The following TAF4 variants were observed in gnomAD, a reference collection of about 807,000 sequenced individuals.
TAF4 encodes the protein TATA-box binding protein associated factor 4.
In TAF4, 9 loss-of-function variants were observed where a neutral mutation model predicts 90.3. The observed-to-expected ratio is 0.10, with a 90% CI of 0.06 to 0.17. The LOEUF (loss-of-function observed/expected upper bound fraction) is 0.17, where lower values mean the gene tolerates loss of function less well. Among genes scored for constraint, TAF4 ranks in the 10% least tolerant of loss-of-function variants. The pLI is 1.00. For missense variants in TAF4, 1,351 were observed against 1,370.7 expected (o/e 0.99, Z 0.23); for synonymous variants, 818 against 638.9 (o/e 1.28, Z -4.23).
chr20:61,976,448 C>A (rs1269549624), intron 14 of TAF4, 113 bp from the exon 15 acceptor site: 8 of 1,274,108 alleles, frequency 6.3e-6, no homozygotes, highest in Non-Finnish European at 7.7e-6. Context: ...AGGCCTGGCA[C>A]GGGCTCCTTC....
intron 14 of TAF4, among the ~76,000 whole-genome samples, chr20:61,982,035 ACACCC>A (rs2055546162): frequency 7.2e-6 from 1 of 138,424 alleles, no homozygotes; most frequent in Non-Finnish European, 1.5e-5. Context: ...CATCAAACCC[ACACCC>A]CACCCAAGAG....
chr20:62,018,024 T>C (rs1356695279), intron 1 of TAF4, among the ~76,000 whole-genome samples: 4 of 152,108 alleles, frequency 2.6e-5, no homozygotes, highest in Admixed American at 1.3e-4. Context: ...CAGTGTCCCT[T>C]GTGGTCAGGA....
chr20:61,992,414 C>T (rs2055637224), intron 14 of TAF4, among the ~76,000 whole-genome samples: 1 of 152,098 alleles, frequency 6.6e-6, no homozygotes, highest in South Asian at 2.1e-4. Context: ...ATGTCCATAA[C>T]CAGGATCCTT....
intron 14 of TAF4, among the ~76,000 whole-genome samples, chr20:61,995,305 G>A (rs980293860): frequency 2.0e-5 from 3 of 152,094 alleles, no homozygotes; most frequent in Admixed American, 1.3e-4. Context: ...AAGAATTAGG[G>A]GAAATATAAA....
intron 9 of TAF4, among the ~76,000 whole-genome samples, chr20:62,002,536 G>A (rs1285219589): frequency 2.6e-5 from 4 of 152,136 alleles, no homozygotes; most frequent in Admixed American, 2.0e-4. Context: ...TGTCACCGAC[G>A]CTGGCGTACA....
chr20:62,035,697 T>C (rs1021680543), intron 1 of TAF4, among the ~76,000 whole-genome samples: 12 of 152,204 alleles, frequency 7.9e-5, no homozygotes, highest in African/African-American at 2.6e-4. Context: ...AAGGAGACAA[T>C]AGATACATTC....
chr20:62,002,775 G>A (rs778758516), intron 9 of TAF4, among the ~76,000 whole-genome samples: 2 of 152,194 alleles, frequency 1.3e-5, no homozygotes, highest in East Asian at 1.9e-4. Context: ...CACTGTAAGC[G>A]TGAGCCACTA....
At chr20:62,017,941 GGCATTC>G (rs2055821811) in intron 1 of TAF4, among the ~76,000 whole-genome samples, 1 of 152,176 alleles carries the variant, frequency 6.6e-6, no homozygotes, top group Non-Finnish European at 1.5e-5. Flanking sequence ...AAATAAAAGT[GGCATTC>G]TGGACATCAC....
chr20:62,028,271 A>C (rs1276909524), intron 1 of TAF4, among the ~76,000 whole-genome samples: 1 of 152,168 alleles, frequency 6.6e-6, no homozygotes, highest in Non-Finnish European at 1.5e-5. Flanking sequence ...CCCCCAAAAA[A>C]ATGCTACCTC....
chr20:62,065,519 C>A lies in TAF4; in HGVS notation c.292G>T (p.Gly98Trp). Residue 98 changes from glycine (G) to tryptophan (W), a missense_variant, in exon 1 of 15, where the codon GGG becomes TGG. Transcript: ENST00000252996. ...EPPPAGRARP[G>W]GGGPQRPGPP... ...CCCGGGCGCTGCGGCCCCCCGCCCC[C>A]CGGCCGCGCTCTACCTGCGGGGGGC... 1 of 976,904 alleles carries A rather than the reference C, an allele frequency of 1.0e-6. No individual in the cohort carries two copies. The highest frequency in any genetic ancestry group is 1.2e-6 in the Non-Finnish European group (1 of 825,770). 60.5% of individuals were successfully genotyped at this position (976,904 alleles called of 1,614,324 possible).
chr20:61,998,530 C>A (rs900295757), intron 12 of TAF4, among the ~76,000 whole-genome samples: 1 of 152,142 alleles, frequency 6.6e-6, no homozygotes. Flanking sequence ...ACACCAGGGA[C>A]GGGACAGCCT....
At chr20:62,062,516 T>C (rs946167666) in intron 1 of TAF4, among the ~76,000 whole-genome samples, 2 of 152,162 alleles carry the variant, frequency 1.3e-5, no homozygotes, top group Non-Finnish European at 1.5e-5. Flanking sequence ...CTTTTTTAGA[T>C]AGTAGCATTC....
chr20:62,012,220 A>AGCGGCAGGTGGCAGCGTGGC, intron 3 of TAF4: 1 of 152,578 alleles, frequency 6.6e-6, no homozygotes, highest in South Asian at 2.1e-4. Flanking sequence ...GAGGGATGTG[A>AGCGGCAGGTGGCAGCGTGGC]GCGGCAGGTG....
At chr20:62,053,154 GA>G (rs1441727846) in intron 1 of TAF4, among the ~76,000 whole-genome samples, 1 of 152,184 alleles carries the variant, frequency 6.6e-6, no homozygotes, top group East Asian at 1.9e-4. Context: ...CAGAGCACCC[GA>G]AAGTGGAAGA....
Position 61,975,005 on chromosome 20 carries a change from T to C in TAF4, c.*1163A>G, listed in dbSNP as rs1434059702. Reference sequence around the variant, plus strand: ...GTTCTCAGGTGTTGATAAAAAATACTGATCAGCGTTCAGTTCACACGCGCT... The same window carrying C: ...GTTCTCAGGTGTTGATAAAAAATACCGATCAGCGTTCAGTTCACACGCGCT... On this transcript the variant is annotated 3_prime_UTR_variant, in exon 15 of 15. Coordinates refer to ENST00000252996, the MANE Select transcript of TAF4 (RefSeq NM_003185.4). 2 of 152,458 alleles carry C rather than the reference T, an allele frequency of 1.3e-5. No individual in the cohort carries two copies. The highest frequency in any genetic ancestry group is 1.5e-5 in the Non-Finnish European group (1 of 68,042). 9.4% of individuals were successfully genotyped at this position (152,458 alleles called of 1,614,324 possible). A position where few individuals can be genotyped will look rare whatever the true frequency, so the allele number is the denominator to read the frequency against.
intron 14 of TAF4, among the ~76,000 whole-genome samples, chr20:61,992,482 T>C (rs923119093): frequency 2.0e-5 from 3 of 151,730 alleles, no homozygotes; most frequent in African/African-American, 4.8e-5. Flanking sequence ...CCCAAGCCCT[T>C]GGGGCAGCCA....
chr20:62,012,950 A>G lies in TAF4; in HGVS notation c.1522-16T>C, dbSNP rs1396568206. 2 of 1,612,176 alleles carry G rather than the reference A, an allele frequency of 1.2e-6. No homozygotes were observed. The highest frequency in any genetic ancestry group is 1.7e-6 in the Non-Finnish European group (2 of 1,179,514). ...TTCCAGGTGCCTGAAAAATAAGCAG[A>G]GTCACCTAAAACGAGCGCAAGTAAA... On this transcript the variant is annotated splice_polypyrimidine_tract_variant and intron_variant, in intron 2 of 14. Coordinates refer to ENST00000252996, the MANE Select transcript of TAF4 (RefSeq NM_003185.4).
intron 1 of TAF4, among the ~76,000 whole-genome samples, chr20:62,025,065 A>G (rs2055867158): frequency 6.6e-6 from 1 of 152,216 alleles, no homozygotes. Context: ...GATGTGGAGC[A>G]ACCAGAGCTC....
intron 14 of TAF4, 136 bp downstream of exon 14, chr20:61,997,414 A>G: frequency 8.8e-7 from 1 of 1,132,870 alleles, no homozygotes; most frequent in East Asian, 2.9e-5. Context: ...TAAAACAAAT[A>G]CTCCAGAAAA....
Sources: allele counts gnomAD v4.1 joint callset (sites outside exome capture counted in the v4.1 genomes callset), GRCh38; gene constraint gnomAD v4.1.1; transcripts MANE v1.5; gene names NCBI Gene and HGNC (gene_info 2026-07-23, HGNC 2026-07-21).